Variants in NCAPH observed in about 807,000 individuals in gnomAD.
The protein encoded by NCAPH is non-SMC condensin I complex subunit H, also known as condensin complex subunit 2.
In NCAPH, 38 loss-of-function variants were observed where a neutral mutation model predicts 85.5. The observed-to-expected ratio is 0.44, with a 90% CI of 0.34 to 0.58. The LOEUF is 0.58. NCAPH is among the 20% of genes least tolerant of loss of function. NCAPH has a pLI of 0.01. For synonymous variants in NCAPH, 301 were observed against 335.1 expected (o/e 0.90, Z 1.11); for missense variants, 789 against 916.6 (o/e 0.86, Z 1.80).
chr2:96,351,904 T>C lies in NCAPH; in HGVS notation c.794T>C (p.Leu265Pro). The C allele has an allele frequency of 6.2e-7, 1 of 1,614,148 alleles. No individual in the cohort carries two copies. Among genetic ancestry groups the C allele is most frequent in the South Asian group, 1.1e-5 (1 of 91,084 alleles). ...ACAGCAGGGGTGTTTCTGTCCACTC[T>C]CCACTGCCAGGACTACAGAAGTGAA... is the stretch of plus-strand genomic sequence containing the variant. ...CSTAGVFLST[L>P]HCQDYRSELL... The change falls in exon 7 of 18, where the codon CTC becomes CCC. Residue 265 changes from leucine to proline, a missense_variant. By Grantham distance (98) the Leu-to-Pro change is moderately conservative (BLOSUM62 -3). Coordinates refer to ENST00000240423, the MANE Select transcript of NCAPH (RefSeq NM_015341.5).
Position 96,366,027 on chromosome 2 carries a change from G to A in NCAPH, c.1850G>A (p.Gly617Glu), listed in dbSNP as rs1232706077. ...CAAGGATTAGACATCACAACATATG[G>A]GGAGTCAAACTTGGTAGCTGAGCCT... ...EAQGLDITTY[G>E]ESNLVAEPQK... Residue 617 changes from glycine to glutamate, a missense_variant, in exon 14 of 18, where the codon GGG (glycine) becomes GAG (glutamate). By Grantham distance (98) the Gly-to-Glu change is moderately conservative. Transcript: ENST00000240423. The A allele has an allele frequency of 6.2e-7, 1 of 1,614,202 alleles. No homozygotes were observed. The highest frequency in any genetic ancestry group is 8.5e-7 in the Non-Finnish European group (1 of 1,180,034).
Position 96,366,741 on chromosome 2 carries a change from G to A in NCAPH, c.1882-516G>A, listed in dbSNP as rs567807106. 1.2e-4 allele frequency among the ~76,000 whole-genome samples: 18 copies of A among 152,242 alleles called. No individual in the cohort carries two copies. In the East Asian group the frequency reaches 2.9e-3, roughly 24 times the overall value. On this transcript the variant is annotated intron_variant, in intron 14 of 17. Transcript: ENST00000240423. ...AAAATACAAAAATTAGCTGGGCATG[G>A]TGGCAGGTGCCTGTAATCCCAGCTA...
chr2:96,342,530 C>T (rs545900869), intron 3 of NCAPH, among the ~76,000 whole-genome samples: 50 of 152,296 alleles, frequency 3.3e-4, no homozygotes. Context: ...AGAGCAGGGC[C>T]TGCACACACT....
At chr2:96,340,357 G>T (rs1398564804) in intron 1 of NCAPH, among the ~76,000 whole-genome samples, 2 of 147,852 alleles carry the variant, frequency 1.4e-5, no homozygotes, top group African/African-American at 5.0e-5. Flanking sequence ...ATCTAACCCA[G>T]TAGGATGACT....
In NCAPH at chr2:96,373,403, G is replaced by A. The variant is rs374913489; in HGVS notation, c.*52G>A. 60 of 1,547,752 alleles carry A rather than the reference G, an allele frequency of 3.9e-5. No homozygotes were observed. The highest frequency in any genetic ancestry group is 4.5e-5 in the East Asian group (2 of 44,454). ...GAGGCCCATCCCTTACTCAGTTGCC[G>A]GGACATCCCCAGTCTCGGGGGAAGA... On this transcript the variant is annotated 3_prime_UTR_variant, in exon 18 of 18. Transcript: ENST00000240423.
At chr2:96,363,367 T>C (rs2064653194) in intron 12 of NCAPH, among the ~76,000 whole-genome samples, 1 of 152,002 alleles carries the variant, frequency 6.6e-6, no homozygotes, top group Admixed American at 6.6e-5. Context: ...CAGAGGAGAG[T>C]ATTCTAAATG....
At chr2:96,364,089 A>T (rs929458134) in intron 12 of NCAPH, among the ~76,000 whole-genome samples, 2 of 152,178 alleles carry the variant, frequency 1.3e-5, no homozygotes, top group Non-Finnish European at 2.9e-5. Flanking sequence ...GGTGTGAGTC[A>T]CCGTGCCTGG....
chr2:96,365,410 CCTGCCCGAAGATA>C (rs1479657828), intron 13 of NCAPH, among the ~76,000 whole-genome samples: 3 of 151,978 alleles, frequency 2.0e-5, no homozygotes, highest in South Asian at 2.1e-4. Context: ...CACCCCACCC[CCTGCCCGAAGATA>C]CTGATACATT....
intron 1 of NCAPH, chr2:96,341,409 C>G: frequency 1.9e-6 from 1 of 535,010 alleles, no homozygotes; most frequent in South Asian, 2.6e-5. Context: ...ATTCACATAG[C>G]TGCAGAGTGG....
intron 15 of NCAPH, 131 bp downstream of exon 15, chr2:96,367,504 T>A: frequency 1.6e-6 from 1 of 612,180 alleles, no homozygotes; most frequent in South Asian, 1.9e-5. Context: ...TACAAGGAGC[T>A]GGGCATGGTG....
chr2:96,339,821 T>C (rs1481064976), intron 1 of NCAPH, among the ~76,000 whole-genome samples: 1 of 152,140 alleles, frequency 6.6e-6, no homozygotes, highest in Non-Finnish European at 1.5e-5. Context: ...AAAAATACTT[T>C]CTTCACCTGG....
At chr2:96,342,918 C>T (rs1170777042) in intron 4 of NCAPH, 70 bp downstream of exon 4, 2 of 1,369,538 alleles carry the variant, frequency 1.5e-6, no homozygotes, top group African/African-American at 1.4e-5. Flanking sequence ...TGGCATAACA[C>T]AGTTGAATGC....
At chr2:96,360,022 C>T (rs565972363) in intron 10 of NCAPH, 121 bp from the exon 11 acceptor site, 1 of 652,190 alleles carries the variant, frequency 1.5e-6, no homozygotes, top group Admixed American at 3.0e-5. Context: ...TTGTGATGCT[C>T]AGACACAATG....
intron 17 of NCAPH, among the ~76,000 whole-genome samples, chr2:96,371,358 A>G (rs1018314696): frequency 2.0e-5 from 3 of 152,128 alleles, no homozygotes; most frequent in Admixed American, 6.5e-5. Context: ...GCTTTCGCTC[A>G]TCAGCCCCAG....
intron 1 of NCAPH, among the ~76,000 whole-genome samples, chr2:96,336,557 G>A (rs1400412527): frequency 6.6e-6 from 1 of 152,230 alleles, no homozygotes; most frequent in African/African-American, 2.4e-5. Flanking sequence ...CAAGCTTAGT[G>A]AGGCCTGACA....
At chr2:96,337,709 C>T (rs1322698294) in intron 1 of NCAPH, among the ~76,000 whole-genome samples, 3 of 152,108 alleles carry the variant, frequency 2.0e-5, no homozygotes, top group Non-Finnish European at 2.9e-5. Flanking sequence ...TGAGCCACCG[C>T]GCCCGGCCTA....
Position 96,353,484 on chromosome 2 carries a change from CT to C in NCAPH, c.1002+90del. On this transcript the variant is annotated intron_variant, in intron 8 of 17. Transcript: ENST00000240423. Reference sequence around the variant, plus strand: ...ATGGGAACCAAAACTGTGGCATCATCTTTATTTAGCCAGGAGTACAGAAAAT... The same window carrying C: ...ATGGGAACCAAAACTGTGGCATCATCTTATTTAGCCAGGAGTACAGAAAAT... 7 of 1,150,244 alleles carry C rather than the reference CT, an allele frequency of 6.1e-6. No homozygotes were observed. In the South Asian group the frequency reaches 7.8e-5, roughly 13 times the overall value. 71.3% of individuals were successfully genotyped at this position (1,150,244 alleles called of 1,614,324 possible). A position where few individuals can be genotyped will look rare whatever the true frequency, so the allele number is the denominator to read the frequency against.
At chr2:96,341,475 C>A in intron 1 of NCAPH, 167 bp from the exon 2 acceptor site, 1 of 861,608 alleles carries the variant, frequency 1.2e-6, no homozygotes, top group Non-Finnish European at 1.8e-6. Flanking sequence ...CCCCCCTGCA[C>A]CTCCAAGAAA....
chr2:96,339,124 A>C (rs1387756208), intron 1 of NCAPH, among the ~76,000 whole-genome samples: 1 of 152,218 alleles, frequency 6.6e-6, no homozygotes, highest in Non-Finnish European at 1.5e-5. Context: ...TGTGTGTTTA[A>C]ACCGCTAGGT....
Sources: allele counts gnomAD v4.1 joint callset (sites outside exome capture counted in the v4.1 genomes callset), GRCh38; gene constraint gnomAD v4.1.1; transcripts MANE v1.5; gene names NCBI Gene and HGNC (gene_info 2026-07-23, HGNC 2026-07-21).